The following PDE1C variants were observed in gnomAD, a reference collection of about 807,000 sequenced individuals.
PDE1C encodes phosphodiesterase 1C, also known as dual specificity calcium/calmodulin-dependent 3',5'-cyclic nucleotide phosphodiesterase 1C.
In PDE1C, 62 loss-of-function variants were observed where a neutral mutation model predicts 93.1. The observed-to-expected ratio is 0.67, with a 90% CI of 0.54 to 0.82. The LOEUF (loss-of-function observed/expected upper bound fraction) is 0.82. Among genes scored for constraint, PDE1C ranks in the 40% least tolerant of loss-of-function variants. The pLI is 0.00. For synonymous variants in PDE1C, 325 were observed against 310.1 expected, an observed-to-expected ratio of 1.05 and a Z score of -0.50; for missense variants, 742 against 884.6, an observed-to-expected ratio of 0.84 and a Z score of 2.04.
chr7:31,905,228 C>T (rs1800447388), intron 2 of PDE1C, among the ~76,000 whole-genome samples: 1 of 152,070 alleles, frequency 6.6e-6, no homozygotes, highest in African/African-American at 2.4e-5. Flanking sequence ...TAAGAGAGAA[C>T]ATCTGTATTG....
chr7:31,641,477 G>GA, the PDE1C span, among the ~76,000 whole-genome samples: 27,400 of 151,022 alleles, frequency 0.18, 2,628 homozygotes, highest in Non-Finnish European at 0.2. Flanking sequence ...TTAAAGAAGA[G>GA]AAAAAAAAAT....
At chr7:31,850,530 A>T (rs1410518939) in intron 8 of PDE1C, 111 bp downstream of exon 8, 1 of 737,670 alleles carries the variant, frequency 1.4e-6, no homozygotes, top group Non-Finnish European at 2.5e-6. Flanking sequence ...TTGTTTCAGA[A>T]ATTCAAAATA....
At chr7:31,847,097 T>A (rs928221486) in intron 9 of PDE1C, among the ~76,000 whole-genome samples, 7 of 152,120 alleles carry the variant, frequency 4.6e-5, no homozygotes, top group African/African-American at 1.4e-4. Context: ...GCCTGCAGGG[T>A]TTGAAGTACC....
the PDE1C span, among the ~76,000 whole-genome samples, chr7:31,678,478 A>G: frequency 6.6e-6 from 1 of 152,320 alleles, no homozygotes; most frequent in South Asian, 2.1e-4. Context: ...CAATAGAGTG[A>G]GGGAAGGGAG....
chr7:31,642,571 C>A, the PDE1C span: 49 of 964,772 alleles, frequency 5.1e-5, no homozygotes, highest in Non-Finnish European at 7.1e-5. Context: ...CCTGATGTTG[C>A]AACCCTTATC....
intron 16 of PDE1C, among the ~76,000 whole-genome samples, chr7:31,791,485 T>C (rs1784589648): frequency 2.0e-5 from 3 of 152,116 alleles, no homozygotes; most frequent in Non-Finnish European, 4.4e-5. Flanking sequence ...TTGGTCCACA[T>C]GGAATTGCAA....
chr7:31,636,365 T>C, the PDE1C span, among the ~76,000 whole-genome samples: 10,660 of 152,286 alleles, frequency 0.07, 518 homozygotes, highest in Non-Finnish European at 0.11. Context: ...TGTAAGAGGG[T>C]TAATAGCAAA....
At chr7:32,125,952 C>A (rs1799553219) in intron 3 of PDE1C, among the ~76,000 whole-genome samples, 1 of 152,050 alleles carries the variant, frequency 6.6e-6, no homozygotes, top group African/African-American at 2.4e-5. Context: ...GACACTGGAC[C>A]TACACATTAT....
chr7:31,824,873 C>T lies in PDE1C; in HGVS notation c.1400G>A (p.Arg467His), dbSNP rs780689031. The T allele has an allele frequency of 1.8e-5, 29 of 1,612,446 alleles. No homozygotes were observed. Among genetic ancestry groups the T allele is most frequent in the Admixed American group, 1.3e-4 (8 of 59,970 alleles). Residue 467 changes from arginine (R) to histidine (H), a missense_variant, in exon 13 of 18, where the codon CGT (arginine) becomes CAT (histidine). By Grantham distance (29) the Arg-to-His change is conservative. Coordinates refer to ENST00000396191, the MANE Select transcript of PDE1C (RefSeq NM_001191057.4). ...CTCAAGCTTCCCCACTGACCTCGAA[C>T]GCCTCTGTCCTGTCCCACCAGTTTG... ...TSQTGGTGQRRSSLNSISSSD... is the reference protein window; with the variant it reads ...TSQTGGTGQRHSSLNSISSSD...
chr7:32,348,356 C>CTTTTTTTTT lies in PDE1C; in HGVS notation c.310+79457_310+79465dup, dbSNP rs59148183. ...TAACCAAAAATAAAAAACAAATGTG[C>CTTTTTTTTT]TTTTTTTTTTTTTTTTTTTTTTTTT... is the stretch of plus-strand genomic sequence containing the variant. On this transcript the variant is annotated intron_variant, in intron 1 of 1. Coordinates refer to the PDE1C transcript ENST00000672256. 5.2e-5 allele frequency among the ~76,000 whole-genome samples: 3 copies of CTTTTTTTTT among 57,314 alleles called. 1 individual carries two copies. 37.6% of individuals were successfully genotyped at this position (57,314 alleles called of 152,430 possible).
Position 31,965,089 on chromosome 7 carries a change from C to T in PDE1C, c.129-84229G>A, listed in dbSNP as rs138961161. ...AAGGAACGCAGCTCCTCACCAGCAA[C>T]GGAACAATGCTGGACGGAGAATGAC... is the stretch of plus-strand genomic sequence containing the variant. On this transcript the variant is annotated intron_variant, in intron 2 of 17. Transcript: ENST00000396191. Among the ~76,000 whole-genome samples the T allele has an allele frequency of 4.7e-3, 710 of 152,246 alleles. 8 individuals carry two copies. Among genetic ancestry groups the T allele is most frequent in the African/African-American group, 0.016 (653 of 41,558 alleles).
At chr7:32,154,709 A>AC (rs1801463071) in intron 3 of PDE1C, among the ~76,000 whole-genome samples, 1 of 152,202 alleles carries the variant, frequency 6.6e-6, no homozygotes, top group Non-Finnish European at 1.5e-5. Flanking sequence ...TCTAGTGCTA[A>AC]CCTACCTTCC....
intron 15 of PDE1C, among the ~76,000 whole-genome samples, chr7:31,809,844 T>G (rs571432538): frequency 6.6e-6 from 1 of 152,240 alleles, no homozygotes; most frequent in South Asian, 2.1e-4. Flanking sequence ...AGCATATAAC[T>G]TCACAGTACC....
intron 2 of PDE1C, among the ~76,000 whole-genome samples, chr7:32,005,517 C>A (rs1216593819): frequency 1.5e-5 from 2 of 135,514 alleles, no homozygotes; most frequent in Non-Finnish European, 3.0e-5. Context: ...GATCGCACCA[C>A]TGCACTCCAG....
At chr7:32,358,897 CTG>C (rs71559224) in intron 1 of PDE1C, among the ~76,000 whole-genome samples, 2 of 145,378 alleles carry the variant, frequency 1.4e-5, no homozygotes, top group Non-Finnish European at 3.0e-5. Flanking sequence ...GTGTGTGTGT[CTG>C]TGTGTGTGTG....
the PDE1C span, chr7:31,642,144 T>G: frequency 1.3e-6 from 2 of 1,513,568 alleles, no homozygotes; most frequent in Non-Finnish European, 9.0e-7. Context: ...TGTTTTCCCT[T>G]TAATAACCTC....
chr7:32,298,746 G>A (rs1012370799), exon 1 of PDE1C: 2 of 1,581,898 alleles, frequency 1.3e-6, no homozygotes. Flanking sequence ...GGCTCGGCCG[G>A]CCGGGCAGGG....
the PDE1C span, among the ~76,000 whole-genome samples, chr7:31,719,554 C>T: frequency 1.3e-5 from 2 of 152,218 alleles, no homozygotes; most frequent in Non-Finnish European, 2.9e-5. Context: ...GCAATGTTCT[C>T]ACAAGTTCCA....
intron 2 of PDE1C, among the ~76,000 whole-genome samples, chr7:32,202,779 G>C (rs1439489067): frequency 6.6e-6 from 1 of 152,074 alleles, no homozygotes; most frequent in Non-Finnish European, 1.5e-5. Context: ...CTAGTAGCCA[G>C]CTGTCTTGTG....
Sources: allele counts gnomAD v4.1 joint callset (sites outside exome capture counted in the v4.1 genomes callset), GRCh38; gene constraint gnomAD v4.1.1; transcripts MANE v1.5; gene names NCBI Gene and HGNC (gene_info 2026-07-23, HGNC 2026-07-21).